The following GDI2 variants were observed in gnomAD, a reference collection of about 807,000 sequenced individuals.
The protein encoded by GDI2 is rab GDP dissociation inhibitor beta.
Under a neutral mutation model 54.2 loss-of-function variants are expected in GDI2, and 22 were observed. The observed-to-expected ratio is 0.41, with a 90% confidence interval of 0.29 to 0.58. GDI2 has a LOEUF of 0.58. GDI2 is among the 20% of genes least tolerant of loss of function. The pLI is 0.35. For synonymous variants in GDI2, 177 were observed against 182.1 expected (o/e 0.97, Z 0.23); for missense variants, 422 against 546.0 (o/e 0.77, Z 2.26).
At chr10:5,784,014 T>C (rs1247029171) in intron 6 of GDI2, among the ~76,000 whole-genome samples, 1 of 149,434 alleles carries the variant, frequency 6.7e-6, no homozygotes, top group Non-Finnish European at 1.5e-5. Context: ...TTTTCCTCAA[T>C]TAATCCCTCA....
At chr10:5,811,657 TAAA>T (rs34264151) in intron 1 of GDI2, among the ~76,000 whole-genome samples, 141 of 135,162 alleles carry the variant, frequency 1.0e-3, no homozygotes, top group African/African-American at 1.8e-3. Flanking sequence ...ATTAGGCACT[TAAA>T]AAAAAAAAAA....
intron 6 of GDI2, among the ~76,000 whole-genome samples, chr10:5,784,364 A>C (rs1675000795): frequency 6.6e-6 from 1 of 152,050 alleles, no homozygotes; most frequent in Admixed American, 6.6e-5. Flanking sequence ...GTTGGACTTC[A>C]CCTTTCTCTC....
chr10:5,807,470 G>T (rs554630533), intron 1 of GDI2, among the ~76,000 whole-genome samples: 17 of 152,306 alleles, frequency 1.1e-4, no homozygotes, highest in African/African-American at 4.1e-4. Flanking sequence ...AGTTGTAAAT[G>T]TAACAGGTAA....
chr10:5,766,198 T>TC lies in GDI2; in HGVS notation c.1191+42dup. The TC allele has an allele frequency of 6.2e-7, 1 of 1,611,694 alleles. No homozygotes were observed. Among genetic ancestry groups the TC allele is most frequent in the Non-Finnish European group, 8.5e-7 (1 of 1,177,722 alleles). On this transcript the variant is annotated intron_variant, in intron 10 of 10. Transcript: ENST00000380191. This position sits in a 1 kb window ranked among gnomAD's most constrained non-coding sequence, Gnocchi z 5.8. ...GACTTAAGACCATGGAGGGATGTCTTCCAGTGAAACCTGCCCATATCCTTT... is the reference window on the plus strand; with the variant it reads ...GACTTAAGACCATGGAGGGATGTCTTCCCAGTGAAACCTGCCCATATCCTTT...
chr10:5,775,027 C>T (rs770971854), intron 6 of GDI2, among the ~76,000 whole-genome samples: 9 of 152,338 alleles, frequency 5.9e-5, no homozygotes, highest in East Asian at 1.9e-4. Context: ...CAGTGGTTCA[C>T]GCCTAATGCC....
intron 4 of GDI2, among the ~76,000 whole-genome samples, chr10:5,787,946 A>T (rs1426320935): frequency 6.6e-6 from 1 of 152,090 alleles, no homozygotes; most frequent in Non-Finnish European, 1.5e-5. Flanking sequence ...CCTGATCCTT[A>T]CCCAGAGAGG....
At chr10:5,771,662 A>T (rs549712415) in intron 7 of GDI2, among the ~76,000 whole-genome samples, 162 of 152,100 alleles carry the variant, frequency 1.1e-3, no homozygotes, top group African/African-American at 3.8e-3. Flanking sequence ...ATGCTTCCTA[A>T]GAAAAACTTG....
rs1841482804 is a variant in GDI2, at chr10:5,811,743, C to G, written c.45+1471G>C. 1.1e-4 allele frequency: 31 copies of G among 275,102 alleles called. 3 individuals are homozygous for G. The highest frequency in any genetic ancestry group is 9.9e-4 in the South Asian group (31 of 31,348). The allele number at this position is 275,102 out of a possible 1,614,324, so 17.0% of individuals were successfully genotyped here. On this transcript the variant is annotated intron_variant, in intron 1 of 10. Transcript: ENST00000380191. ...CAACAGTCTTCCAGCTTTTCAAAGA[C>G]AGACACAGGATTATTCCTGGATTGG...
chr10:5,808,783 A>G (rs1007362957), intron 1 of GDI2, among the ~76,000 whole-genome samples: 1 of 151,442 alleles, frequency 6.6e-6, no homozygotes, highest in African/African-American at 2.4e-5. Context: ...TCTAATAACT[A>G]ATATTAAAGT....
chr10:5,804,096 CTTTT>C lies in GDI2; in HGVS notation c.46-3395_46-3392del, dbSNP rs34897650. Among the ~76,000 whole-genome samples, 38 of 147,352 alleles carry C rather than the reference CTTTT, an allele frequency of 2.6e-4. No individual in the cohort carries two copies. The East Asian group carries it at 5.3e-3, about 21-fold the overall frequency. On this transcript the variant is annotated intron_variant, in intron 1 of 10. Coordinates refer to ENST00000380191, the MANE Select transcript of GDI2 (RefSeq NM_001494.4). Reference sequence around the variant, plus strand: ...ACTATAGGAGTGTGAATCATTCTTTCTTTTTTTTTTTATTGAGATAGGAGTCTCA... The same window carrying C: ...ACTATAGGAGTGTGAATCATTCTTTCTTTTTTTATTGAGATAGGAGTCTCA...
Position 5,774,017 on chromosome 10 carries a change from T to C in GDI2, c.720-76A>G, listed in dbSNP as rs1459977713. ...TAAAGTCCCCTTTCTTAGATCTTAA[T>C]GAGTTACAGACAATATACATTTGTT... is the stretch of plus-strand genomic sequence containing the variant. On this transcript the variant is annotated intron_variant, in intron 6 of 10. Coordinates refer to ENST00000380191, the MANE Select transcript of GDI2 (RefSeq NM_001494.4). The surrounding 1 kb of genome is among the most constrained non-coding windows in gnomAD (Gnocchi z 4.8). 2.9e-5 allele frequency: 20 copies of C among 682,608 alleles called. No individual in the cohort carries two copies. Among genetic ancestry groups the C allele is most frequent in the Non-Finnish European group, 5.2e-5 (20 of 387,842 alleles). 42.3% of individuals were successfully genotyped at this position (682,608 alleles called of 1,614,324 possible).
At chr10:5,796,929 A>G in intron 2 of GDI2, 67 bp from the exon 3 acceptor site, 3 of 744,264 alleles carry the variant, frequency 4.0e-6, no homozygotes, top group Non-Finnish European at 7.0e-6. Flanking sequence ...ATATGTACAT[A>G]TTTTTTATTA....
intron 2 of GDI2, among the ~76,000 whole-genome samples, chr10:5,799,288 G>A (rs902281227): frequency 6.6e-6 from 1 of 152,200 alleles, no homozygotes; most frequent in African/African-American, 2.4e-5. Flanking sequence ...AGCAAGCTAC[G>A]ATCGCACTGC....
chr10:5,807,832 CAA>C (rs1841406653), intron 1 of GDI2, among the ~76,000 whole-genome samples: 1 of 152,068 alleles, frequency 6.6e-6, no homozygotes, highest in Admixed American at 6.5e-5. Context: ...GGACAACACC[CAA>C]ATATATTAGA....
In GDI2 at chr10:5,766,045, T is replaced by C. The variant is rs761894106; in HGVS notation, c.1299A>G (p.Glu433=). The C allele has an allele frequency of 6.5e-5, 103 of 1,590,344 alleles. No individual in the cohort carries two copies. Among genetic ancestry groups the C allele is most frequent in the Non-Finnish European group, 7.8e-5 (92 of 1,173,810 alleles). The change falls in exon 11 of 11, where the codon GAA becomes GAG. Residue 433 remains glutamate, a synonymous_variant. Transcript: ENST00000380191. The surrounding 1 kb of genome is among the most constrained non-coding windows in gnomAD (Gnocchi z 5.8). ...RMTGSEFDFE[E]MKRKKNDIYG... ...AGATGTCATTCTTCTTGCGCTTCATTTCCTCAAAGTCAAACTCTGATCCTG... is the reference window on the plus strand; with the variant it reads ...AGATGTCATTCTTCTTGCGCTTCATCTCCTCAAAGTCAAACTCTGATCCTG...
chr10:5,773,759 T>C, intron 7 of GDI2, 83 bp downstream of exon 7: 1 of 716,612 alleles, frequency 1.4e-6, no homozygotes, highest in Non-Finnish European at 2.5e-6. Context: ...TATGCATCAG[T>C]GTCCACACCA....
chr10:5,791,952 G>C (rs2131705198), intron 4 of GDI2, among the ~76,000 whole-genome samples: 1 of 152,044 alleles, frequency 6.6e-6, no homozygotes, highest in Admixed American at 6.6e-5. Context: ...CTGGGATACT[G>C]TCTCTGGTCT....
intron 8 of GDI2, among the ~76,000 whole-genome samples, chr10:5,767,055 T>C (rs746969742): frequency 4.6e-5 from 7 of 152,242 alleles, no homozygotes; most frequent in Non-Finnish European, 7.3e-5. Context: ...AATGTAAAAC[T>C]GCAGAATCCA....
chr10:5,783,177 T>C (rs1214008937), intron 6 of GDI2, among the ~76,000 whole-genome samples: 3 of 152,150 alleles, frequency 2.0e-5, no homozygotes, highest in Non-Finnish European at 2.9e-5. Context: ...AGGTTTTAGT[T>C]AAACCCAGGA....
Sources: allele counts gnomAD v4.1 joint callset (sites outside exome capture counted in the v4.1 genomes callset), GRCh38; gene constraint gnomAD v4.1.1; non-coding constraint Gnocchi (gnomAD v3.1); transcripts MANE v1.5; gene names NCBI Gene and HGNC (gene_info 2026-07-23, HGNC 2026-07-21).